SEPTIN9: variants seen among roughly 807,000 people sequenced by gnomAD.
SEPTIN9 encodes the protein septin 9, also known as septin-9.
SEPTIN9 carries 13 observed loss-of-function variants against 56.6 expected under a neutral mutation model. That is an observed-to-expected ratio of 0.23 (90% confidence interval 0.15 to 0.37). SEPTIN9 has a LOEUF of 0.37. SEPTIN9 is among the 10% of genes least tolerant of loss of function. The pLI is 1.00. For synonymous variants in SEPTIN9, 332 were observed against 334.1 expected (o/e 0.99, Z 0.07); for missense variants, 650 against 823.1 (o/e 0.79, Z 2.57).
At chr17:77,302,070 A>G (rs2032076732) in intron 1 of SEPTIN9, among the ~76,000 whole-genome samples, 1 of 152,214 alleles carries the variant, frequency 6.6e-6, no homozygotes, top group Non-Finnish European at 1.5e-5. Flanking sequence ...TCAATCATTA[A>G]AGTAACAACA....
intron 3 of SEPTIN9, among the ~76,000 whole-genome samples, chr17:77,422,636 T>G (rs2036746574): frequency 6.6e-6 from 1 of 152,190 alleles, no homozygotes; most frequent in Middle Eastern, 3.2e-3. Context: ...GGAGCCGGGC[T>G]AATGGTCACC....
In SEPTIN9 at chr17:77,488,757, C is replaced by T. The variant is rs2039905463; in HGVS notation, c.1155C>T (p.Asp385=). The T allele has an allele frequency of 6.2e-7, 1 of 1,613,914 alleles. No individual in the cohort carries two copies. ...CWQPIMKFIN[D]QYEKYLQEEV... is the part of the protein sequence containing the mutation. ...AGCCCATCATGAAGTTCATCAATGA[C>T]CAGTACGAGAAATACCTGCAGGAGG... Residue 385 remains aspartate (D), a synonymous_variant, in exon 7 of 12, where the codon GAC becomes GAT. Coordinates refer to ENST00000427177, the MANE Select transcript of SEPTIN9 (RefSeq NM_001113491.2).
chr17:77,284,485 G>T (rs1384050961), intron 1 of SEPTIN9, among the ~76,000 whole-genome samples: 1 of 152,230 alleles, frequency 6.6e-6, no homozygotes, highest in East Asian at 1.9e-4. Context: ...GTGTGGTCCA[G>T]TGGTTACACT....
rs1416507008 is a variant in SEPTIN9, at chr17:77,433,770, G to A, written c.721+31067G>A. Among the ~76,000 whole-genome samples, 1 of 152,068 alleles carries A rather than the reference G, an allele frequency of 6.6e-6. No homozygotes were observed. The highest frequency in any genetic ancestry group is 1.9e-4 in the East Asian group (1 of 5,168). On this transcript the variant is annotated intron_variant, in intron 3 of 11. Coordinates refer to ENST00000427177, the MANE Select transcript of SEPTIN9 (RefSeq NM_001113491.2). The surrounding 1 kb of genome is among the most constrained non-coding windows in gnomAD (Gnocchi z 6.4). Reference sequence around the variant, plus strand: ...GTTCCCTGTGAGTTAGATGGGGAGTGCACCCCTGCCCTCCCCTCCTGGGTA... The same window carrying A: ...GTTCCCTGTGAGTTAGATGGGGAGTACACCCCTGCCCTCCCCTCCTGGGTA...
intron 11 of SEPTIN9, 39 bp downstream of exon 11, chr17:77,497,405 C>T (rs1472329100): frequency 3.1e-6 from 5 of 1,595,582 alleles, no homozygotes; most frequent in Non-Finnish European, 4.3e-6. Context: ...GACGGCTTCA[C>T]CCCTAAGAGG....
chr17:77,475,237 T>G lies in SEPTIN9; in HGVS notation c.722-6907T>G. On this transcript the variant is annotated intron_variant, in intron 3 of 11. Coordinates refer to ENST00000427177, the MANE Select transcript of SEPTIN9 (RefSeq NM_001113491.2). The surrounding 1 kb of genome is among the most constrained non-coding windows in gnomAD (Gnocchi z 4.6). The stretch of plus-strand genomic sequence containing the variant: ...TGGTGAGAGGAAACCGCACACATCA[T>G]TATTCAGTTACCATCGTGGGGAGAC... The G allele has an allele frequency of 3.0e-6, 4 of 1,329,434 alleles. No homozygotes were observed. The highest frequency in any genetic ancestry group is 1.9e-6 in the Non-Finnish European group (2 of 1,038,108). 82.4% of individuals were successfully genotyped at this position (1,329,434 alleles called of 1,614,324 possible).
intron 2 of SEPTIN9, among the ~76,000 whole-genome samples, chr17:77,320,561 C>G (rs1205784837): frequency 1.3e-5 from 2 of 152,236 alleles, no homozygotes; most frequent in Admixed American, 1.3e-4. Context: ...CTCGGCTCTC[C>G]TCTCTCCTGG....
intron 1 of SEPTIN9, among the ~76,000 whole-genome samples, chr17:77,302,304 C>G (rs1278296411): frequency 6.6e-6 from 1 of 151,568 alleles, no homozygotes; most frequent in African/African-American, 2.4e-5. Flanking sequence ...TGAAAATAAA[C>G]AAACCAATAA....
At chr17:77,471,429 G>A (rs367581502) in intron 3 of SEPTIN9, among the ~76,000 whole-genome samples, 1 of 152,246 alleles carries the variant, frequency 6.6e-6, no homozygotes, top group African/African-American at 2.4e-5. Flanking sequence ...CCTGGCAGGG[G>A]GCCACCCTGT....
At position 77,475,069 on chromosome 17, in the gene SEPTIN9, C is replaced by G. The variant is rs1328056249; in HGVS notation, c.722-7075C>G. On this transcript the variant is annotated intron_variant, in intron 3 of 11. Coordinates refer to ENST00000427177, the MANE Select transcript of SEPTIN9 (RefSeq NM_001113491.2). The surrounding 1 kb of genome is among the most constrained non-coding windows in gnomAD (Gnocchi z 4.6). ...AGTAAACCTCGGCTGCTGTGATGAG[C>G]TTTGTTTCTTCATTTGTTCATTCAT... 6.6e-6 allele frequency among the ~76,000 whole-genome samples: 1 copy of G among 152,144 alleles called. No individual in the cohort carries two copies. The highest frequency in any genetic ancestry group is 1.5e-5 in the Non-Finnish European group (1 of 68,026).
intron 3 of SEPTIN9, among the ~76,000 whole-genome samples, chr17:77,403,430 G>A (rs1206787054): frequency 6.6e-6 from 1 of 152,242 alleles, no homozygotes; most frequent in African/African-American, 2.4e-5. Context: ...TGGGGCTCCA[G>A]CAGCGTCCTG....
chr17:77,490,463 G>A (rs778026832), intron 7 of SEPTIN9, among the ~76,000 whole-genome samples: 9 of 152,250 alleles, frequency 5.9e-5, no homozygotes, highest in Non-Finnish European at 1.2e-4. Flanking sequence ...ATGTAGGGGT[G>A]TGGTTGGGAC....
chr17:77,488,371 T>C, intron 6 of SEPTIN9, 50 bp downstream of exon 6: 1 of 1,516,984 alleles, frequency 6.6e-7, no homozygotes, highest in Non-Finnish European at 9.1e-7. Context: ...CAGGGCTCCC[T>C]GGACCCCACC....
chr17:77,308,899 G>C (rs2032372510), intron 2 of SEPTIN9, among the ~76,000 whole-genome samples: 1 of 152,268 alleles, frequency 6.6e-6, no homozygotes, highest in Non-Finnish European at 1.5e-5. Flanking sequence ...TACAGGATGG[G>C]ACTGTATGTG....
At chr17:77,297,152 G>A (rs1044193690) in intron 1 of SEPTIN9, among the ~76,000 whole-genome samples, 8 of 152,156 alleles carry the variant, frequency 5.3e-5, no homozygotes, top group Admixed American at 5.2e-4. Context: ...TCCGCAAGCT[G>A]GAGGCCCAGG....
chr17:77,426,204 G>A (rs1598355141), intron 3 of SEPTIN9, among the ~76,000 whole-genome samples: 1 of 152,116 alleles, frequency 6.6e-6, no homozygotes, highest in East Asian at 2.0e-4. Context: ...CCCTGCTTGG[G>A]TAGTTGTCCC....
In SEPTIN9 at chr17:77,429,108, GGT is replaced by G. The variant is rs1568062137; in HGVS notation, c.721+26413_721+26414del. The G allele has an allele frequency of 2.1e-6, 1 of 471,576 alleles. No individual in the cohort carries two copies. The highest frequency in any genetic ancestry group is 4.4e-6 in the Non-Finnish European group (1 of 227,158). The allele number at this position is 471,576 out of a possible 1,614,324, so 29.2% of individuals were successfully genotyped here. On this transcript the variant is annotated intron_variant, in intron 3 of 11. Transcript: ENST00000427177. This position sits in a 1 kb window ranked among gnomAD's most constrained non-coding sequence, Gnocchi z 5.2. Reference sequence around the variant, plus strand: ...TTTGTGCCCCAGCTCCGTGTCCTCCGGTGTGTGTGAGGCCAAGCTCCTGGGGT... The same window carrying G: ...TTTGTGCCCCAGCTCCGTGTCCTCCGGTGTGTGAGGCCAAGCTCCTGGGGT...
chr17:77,309,009 C>T (rs1454139682), intron 2 of SEPTIN9, among the ~76,000 whole-genome samples: 2 of 152,280 alleles, frequency 1.3e-5, no homozygotes, highest in Admixed American at 6.5e-5. Context: ...ATGTTGGGCA[C>T]TAACCACTGG....
chr17:77,367,119 C>T lies in SEPTIN9; in HGVS notation c.77-34940C>T, dbSNP rs1227372516. 6.6e-6 allele frequency among the ~76,000 whole-genome samples: 1 copy of T among 152,156 alleles called. No individual in the cohort carries two copies. The highest frequency in any genetic ancestry group is 1.5e-5 in the Non-Finnish European group (1 of 68,036). ...ATGGGGTGTGGTAGCTGCACACCGG[C>T]TCAGTCAGGCTGAATGGGGAAATGC... On this transcript the variant is annotated intron_variant, in intron 2 of 11. Transcript: ENST00000427177. This position sits in a 1 kb window ranked among gnomAD's most constrained non-coding sequence, Gnocchi z 4.5.
Sources: allele counts gnomAD v4.1 joint callset (sites outside exome capture counted in the v4.1 genomes callset), GRCh38; gene constraint gnomAD v4.1.1; non-coding constraint Gnocchi (gnomAD v3.1); transcripts MANE v1.5; gene names NCBI Gene and HGNC (gene_info 2026-07-23, HGNC 2026-07-21).